The following VWA5A variants were observed in gnomAD, a reference collection of about 807,000 sequenced individuals.
The protein encoded by VWA5A is von Willebrand factor A domain-containing protein 5A.
A neutral mutation model predicts 84.6 loss-of-function variants in VWA5A; 77 were observed. The observed-to-expected ratio is 0.91, with a 90% confidence interval of 0.76 to 1.10. The LOEUF is 1.10. Among genes scored for constraint, VWA5A ranks in the 50% least tolerant of loss-of-function variants. The probability of loss-of-function intolerance (pLI) is 0.00; values close to 1 mark genes in which losing one functional copy is unlikely to be tolerated. For synonymous variants in VWA5A, 334 were observed against 350.1 expected (o/e 0.95, Z 0.51); for missense variants, 973 against 963.0 (o/e 1.01, Z -0.14).
Position 124,146,192 on chromosome 11 carries a change from A to T in VWA5A, c.*247A>T, listed in dbSNP as rs2137671916. 2 of 366,380 alleles carry T rather than the reference A, an allele frequency of 5.5e-6. No individual in the cohort carries two copies. Among genetic ancestry groups the T allele is most frequent in the Admixed American group, 9.3e-5 (2 of 21,480 alleles). The allele number at this position is 366,380 out of a possible 1,614,324, so 22.7% of individuals were successfully genotyped here. A position where few individuals can be genotyped will look rare whatever the true frequency, so the allele number is the denominator to read the frequency against. On this transcript the variant is annotated 3_prime_UTR_variant, in exon 19 of 19. Coordinates refer to ENST00000456829, the MANE Select transcript of VWA5A (RefSeq NM_001130142.2). ...CCTATTCCCTTTCTTGAGGGAGTTC[A>T]AAACATTCATAGGCAGTAATGTTCC...
chr11:124,136,897 T>C (rs1860607451), intron 14 of VWA5A, 118 bp from the exon 15 acceptor site: 2 of 1,392,928 alleles, frequency 1.4e-6, no homozygotes, highest in Non-Finnish European at 1.9e-6. Flanking sequence ...CCAAGTCTTC[T>C]CTCTCCCCTT....
rs1035713118 is a variant in VWA5A at position 124,146,002 on chromosome 11, T to A, written c.*57T>A. ...TTTGCTACTGTCATTTCCTCTAGTATCACTTTTGCTGTGATGATGTGTTCT... is the reference window on the plus strand; with the variant it reads ...TTTGCTACTGTCATTTCCTCTAGTAACACTTTTGCTGTGATGATGTGTTCT... On this transcript the variant is annotated 3_prime_UTR_variant, in exon 19 of 19. Coordinates refer to ENST00000456829, the MANE Select transcript of VWA5A (RefSeq NM_001130142.2). 1.3e-6 allele frequency: 2 copies of A among 1,522,374 alleles called. No homozygotes were observed. Among genetic ancestry groups the A allele is most frequent in the Non-Finnish European group, 1.8e-6 (2 of 1,119,478 alleles). 94.3% of individuals were successfully genotyped at this position (1,522,374 alleles called of 1,614,324 possible).
At chr11:124,139,127 G>T (rs1860676581) in intron 15 of VWA5A, among the ~76,000 whole-genome samples, 1 of 151,918 alleles carries the variant, frequency 6.6e-6, no homozygotes, top group Non-Finnish European at 1.5e-5. Context: ...TGTTGCATTG[G>T]TCAGTGTCTG....
rs1939860 is a variant in VWA5A, at chr11:124,146,451, C to G, written c.*506C>G. On this transcript the variant is annotated 3_prime_UTR_variant, in exon 19 of 19. Coordinates refer to ENST00000456829, the MANE Select transcript of VWA5A (RefSeq NM_001130142.2). ...CAATGTAATGTCAAGATCACAAAGA[C>G]AGAGACTGCAGGGGTCCACTGTGAG... is the stretch of plus-strand genomic sequence containing the variant. The G allele has an allele frequency of 0.66, 101,785 of 153,752 alleles. 34,161 individuals are homozygous for G. Among genetic ancestry groups the G allele is most frequent in the East Asian group, 0.8 (4,150 of 5,204 alleles). 9.5% of individuals were successfully genotyped at this position (153,752 alleles called of 1,614,324 possible).
intron 12 of VWA5A, 136 bp downstream of exon 12, chr11:124,135,170 G>A: frequency 3.4e-6 from 2 of 586,202 alleles, no homozygotes; most frequent in Non-Finnish European, 5.7e-6. Context: ...AAGGCCTTAG[G>A]CTGTATACTT....
At chr11:124,125,197 T>C (rs1388293394) in intron 11 of VWA5A, among the ~76,000 whole-genome samples, 1 of 152,082 alleles carries the variant, frequency 6.6e-6, no homozygotes, top group Non-Finnish European at 1.5e-5. Flanking sequence ...ATTGTAGGAG[T>C]GTTCCAATCG....
At chr11:124,138,923 C>G (rs1466293259) in intron 15 of VWA5A, among the ~76,000 whole-genome samples, 1 of 152,144 alleles carries the variant, frequency 6.6e-6, no homozygotes, top group Non-Finnish European at 1.5e-5. Flanking sequence ...TACACTTAAG[C>G]CTTTAGTTCA....
intron 14 of VWA5A, 143 bp from the exon 15 acceptor site, chr11:124,136,872 T>C: frequency 7.9e-7 from 1 of 1,262,280 alleles, no homozygotes; most frequent in East Asian, 2.4e-5. Context: ...CAATCATTTT[T>C]TATTTCTAAA....
intron 15 of VWA5A, among the ~76,000 whole-genome samples, chr11:124,141,284 G>A (rs1025399385): frequency 2.6e-5 from 4 of 152,188 alleles, no homozygotes; most frequent in Non-Finnish European, 2.9e-5. Context: ...GAGAGTGATG[G>A]AGGGAGAATA....
chr11:124,132,316 G>T (rs1365574030), intron 11 of VWA5A, among the ~76,000 whole-genome samples: 1 of 151,854 alleles, frequency 6.6e-6, no homozygotes, highest in African/African-American at 2.4e-5. Context: ...ATCTTGTTAG[G>T]TTTTGATATC....
At position 124,120,941 on chromosome 11, in the gene VWA5A, C is replaced by T. The variant is rs777903203; in HGVS notation, c.760+1852C>T. 9.5e-4 allele frequency among the ~76,000 whole-genome samples: 145 copies of T among 152,272 alleles called. No homozygotes were observed. The Middle Eastern group carries it at 0.01, about 11-fold the overall frequency. On this transcript the variant is annotated intron_variant, in intron 7 of 18. Coordinates refer to ENST00000456829, the MANE Select transcript of VWA5A (RefSeq NM_001130142.2). ...GATTTTCTCATCTAGTCCCCATGAC[C>T]AGGTCTGAAGGCCAAGGGGGGACAT...
intron 4 of VWA5A, 76 bp from the exon 5 acceptor site, chr11:124,118,113 C>T (rs1421376494): frequency 7.4e-6 from 11 of 1,486,674 alleles, no homozygotes; most frequent in Non-Finnish European, 1.0e-5. Flanking sequence ...AGTCGCTCTG[C>T]ACTGCTCGTC....
chr11:124,122,461 A>AT (rs1479610458), intron 7 of VWA5A, among the ~76,000 whole-genome samples: 1 of 152,236 alleles, frequency 6.6e-6, no homozygotes, highest in Admixed American at 6.5e-5. Flanking sequence ...CTTGGTGGGT[A>AT]TAATACTTAT....
At chr11:124,123,561 G>A (rs959309132) in intron 9 of VWA5A, 99 bp from the exon 10 acceptor site, 3 of 1,609,310 alleles carry the variant, frequency 1.9e-6, no homozygotes, top group Non-Finnish European at 2.5e-6. Context: ...GGGGGTTTCG[G>A]ATAAGACTCT....
intron 15 of VWA5A, among the ~76,000 whole-genome samples, chr11:124,141,196 G>A (rs904452458): frequency 2.6e-5 from 4 of 152,178 alleles, no homozygotes; most frequent in African/African-American, 7.2e-5. Flanking sequence ...TAATGATCTG[G>A]ATGCAGCATC....
intron 15 of VWA5A, among the ~76,000 whole-genome samples, chr11:124,138,053 G>T (rs1173430575): frequency 6.6e-6 from 1 of 152,120 alleles, no homozygotes; most frequent in Non-Finnish European, 1.5e-5. Context: ...TAGAGATGGG[G>T]TTTTGCCATT....
chr11:124,126,327 T>TTAC (rs1865017981), intron 11 of VWA5A, among the ~76,000 whole-genome samples: 1 of 152,354 alleles, frequency 6.6e-6, no homozygotes, highest in East Asian at 1.9e-4. Context: ...TAAGCAGGAC[T>TTAC]TACTATTTAC....
chr11:124,123,236 T>C, intron 8 of VWA5A, 107 bp downstream of exon 8: 1 of 1,525,984 alleles, frequency 6.6e-7, no homozygotes. Context: ...ACGACCACCC[T>C]GAGGCTAGCC....
Position 124,123,423 on chromosome 11 carries a change from G to C in VWA5A, c.988G>C (p.Gly330Arg). The C allele has an allele frequency of 6.2e-7, 1 of 1,614,034 alleles. No homozygotes were observed. Among genetic ancestry groups the C allele is most frequent in the Non-Finnish European group, 8.5e-7 (1 of 1,180,008 alleles). ...TATAGGCTGTTATTTCAACATCTAT[G>C]GATTTGGCTCTTCCTATGAGGCATG... The part of the protein sequence containing the change: ...LPIGCYFNIY[G>R]FGSSYEACFP... Residue 330 changes from glycine (G) to arginine (R), a missense_variant, in exon 9 of 19, where the codon GGA becomes CGA. By Grantham distance (125) the Gly-to-Arg change is moderately radical (BLOSUM62 -2). Coordinates refer to ENST00000456829, the MANE Select transcript of VWA5A (RefSeq NM_001130142.2).
Sources: gnomAD v4.1 joint callset for allele counts (sites outside exome capture counted in the v4.1 genomes callset) on GRCh38, gnomAD v4.1.1 for gene constraint, MANE v1.5 for transcripts, NCBI Gene and HGNC (gene_info 2026-07-23, HGNC 2026-07-21) for gene names.